The following SMAD6 variants were observed in gnomAD, a reference collection of about 807,000 sequenced individuals.
SMAD6 encodes SMAD family member 6.
Under a neutral mutation model 39.4 loss-of-function variants are expected in SMAD6, and 103 were observed. That is an observed-to-expected ratio of 2.62 (90% CI 2.23 to 3.08). SMAD6 has a LOEUF of 3.08. Among genes scored for constraint, SMAD6 ranks in the 30% most tolerant of loss-of-function variants. The pLI, the probability that SMAD6 is intolerant of heterozygous loss-of-function variation, is 0.00. For missense variants in SMAD6, 1,104 were observed against 742.9 expected (o/e 1.49, Z -5.65); for synonymous variants, 445 against 353.3 (o/e 1.26, Z -2.91).
At chr15:66,756,108 C>A (rs1894094139) in intron 3 of SMAD6, among the ~76,000 whole-genome samples, 1 of 151,974 alleles carries the variant, frequency 6.6e-6, no homozygotes, top group African/African-American at 2.4e-5. Context: ...CTTCCCCACA[C>A]CTCCCCCTTC....
At chr15:66,746,034 G>A (rs1272740223) in intron 3 of SMAD6, among the ~76,000 whole-genome samples, 2 of 152,194 alleles carry the variant, frequency 1.3e-5, no homozygotes, top group Non-Finnish European at 2.9e-5. Flanking sequence ...TGGTGGGCCC[G>A]GATAAGAGGC....
intron 3 of SMAD6, among the ~76,000 whole-genome samples, chr15:66,761,785 C>T (rs1281542198): frequency 6.6e-6 from 1 of 152,202 alleles, no homozygotes; most frequent in Non-Finnish European, 1.5e-5. Flanking sequence ...CCCTGGCTTC[C>T]TCCACGTTTC....
At position 66,738,440 on chromosome 15, in the gene SMAD6, A is replaced by C. The variant is rs563520950; in HGVS notation, c.952+21942A>C. ...GGACATGGCAGGGGGTTGTGAGAGG[A>C]GTGTCAACGATCCTCCAGGAAGTTT... On this transcript the variant is annotated intron_variant, in intron 3 of 3. Transcript: ENST00000288840. 4.5e-4 allele frequency among the ~76,000 whole-genome samples: 68 copies of C among 152,266 alleles called. 1 individual carries two copies. Among genetic ancestry groups the C allele is most frequent in the African/African-American group, 1.6e-3 (68 of 41,532 alleles).
intron 3 of SMAD6, among the ~76,000 whole-genome samples, chr15:66,760,477 G>A (rs1238602806): frequency 6.6e-6 from 1 of 152,210 alleles, no homozygotes. Context: ...GGTGTGCCTG[G>A]CACATGGCGG....
chr15:66,705,214 A>G (rs1357502048), intron 1 of SMAD6: 1 of 152,072 alleles, frequency 6.6e-6, no homozygotes, highest in Non-Finnish European at 1.5e-5. Flanking sequence ...GTGGAAGGGG[A>G]AAGTGGGTCT....
At chr15:66,737,007 A>G (rs533101020) in intron 3 of SMAD6, among the ~76,000 whole-genome samples, 90 of 152,296 alleles carry the variant, frequency 5.9e-4, no homozygotes, top group Non-Finnish European at 1.1e-3. Context: ...TGAATCTAAC[A>G]TGCACCCAGG....
chr15:66,733,576 C>G (rs1414338825), intron 3 of SMAD6, among the ~76,000 whole-genome samples: 1 of 152,146 alleles, frequency 6.6e-6, no homozygotes, highest in African/African-American at 2.4e-5. Flanking sequence ...TTTAAACATT[C>G]TCCAGTTATT....
chr15:66,767,586 G>C (rs530128950), intron 3 of SMAD6, among the ~76,000 whole-genome samples: 113 of 152,360 alleles, frequency 7.4e-4, no homozygotes, highest in African/African-American at 2.7e-3. Context: ...GGCCATGGCA[G>C]AGCCATGTAC....
chr15:66,769,232 G>A (rs1567112597), intron 3 of SMAD6, among the ~76,000 whole-genome samples: 2 of 152,188 alleles, frequency 1.3e-5, no homozygotes, highest in African/African-American at 2.4e-5. Context: ...GGGTAACTGA[G>A]GGCTGCTGCT....
intron 3 of SMAD6, among the ~76,000 whole-genome samples, chr15:66,755,280 G>A (rs1001098953): frequency 1.3e-5 from 2 of 152,174 alleles, no homozygotes; most frequent in Non-Finnish European, 2.9e-5. Flanking sequence ...TCACAGGACG[G>A]TGCCAGGCAG....
chr15:66,765,372 C>T lies in SMAD6; in HGVS notation c.953-15625C>T, dbSNP rs149778501. On this transcript the variant is annotated intron_variant, in intron 3 of 3. Transcript: ENST00000288840. ...CCGAGCAGCTGGGACTACAGGTGCCCGCCACCATGCCCGGCTACTTTTTTG... is the reference window on the plus strand; with the variant it reads ...CCGAGCAGCTGGGACTACAGGTGCCTGCCACCATGCCCGGCTACTTTTTTG... Among the ~76,000 whole-genome samples the T allele has an allele frequency of 9.0e-3, 1,366 of 152,202 alleles. 24 individuals carry two copies. The highest frequency in any genetic ancestry group is 0.03 in the African/African-American group (1,240 of 41,514).
intron 3 of SMAD6, among the ~76,000 whole-genome samples, chr15:66,719,545 G>C (rs548015361): frequency 2.6e-5 from 4 of 152,194 alleles, no homozygotes; most frequent in Non-Finnish European, 5.9e-5. Flanking sequence ...CCCCAAACAG[G>C]GTGTCTGCAG....
At chr15:66,752,422 C>T (rs1215510945) in intron 3 of SMAD6, among the ~76,000 whole-genome samples, 2 of 152,208 alleles carry the variant, frequency 1.3e-5, no homozygotes, top group Non-Finnish European at 2.9e-5. Flanking sequence ...GGTCTTGTGT[C>T]ACTCTACCAG....
intron 1 of SMAD6, among the ~76,000 whole-genome samples, chr15:66,710,481 C>G (rs1312364752): frequency 6.6e-6 from 1 of 152,102 alleles, no homozygotes; most frequent in Non-Finnish European, 1.5e-5. Flanking sequence ...GAGGTGAGGC[C>G]TCATTGGGTG....
chr15:66,734,964 A>G (rs6494597), intron 3 of SMAD6, among the ~76,000 whole-genome samples: 83,561 of 152,188 alleles, frequency 0.55, 23,294 homozygotes, highest in East Asian at 0.84. Flanking sequence ...GTGGACCCTC[A>G]TGGCTGTGTC....
chr15:66,754,439 G>A (rs1894062032), intron 3 of SMAD6, among the ~76,000 whole-genome samples: 1 of 152,184 alleles, frequency 6.6e-6, no homozygotes, highest in African/African-American at 2.4e-5. Flanking sequence ...GTTCACCCAG[G>A]TCCCTTGTGT....
chr15:66,776,019 A>G (rs1031595017), intron 3 of SMAD6, among the ~76,000 whole-genome samples: 6 of 152,238 alleles, frequency 3.9e-5, no homozygotes, highest in African/African-American at 1.4e-4. Context: ...TGTTGGACAC[A>G]CCGCATGAAA....
At chr15:66,758,137 G>T (rs1039740763) in intron 3 of SMAD6, among the ~76,000 whole-genome samples, 3 of 152,210 alleles carry the variant, frequency 2.0e-5, no homozygotes, top group Admixed American at 1.3e-4. Context: ...TAACCACAGA[G>T]ATCCCTGTAT....
intron 3 of SMAD6, among the ~76,000 whole-genome samples, chr15:66,744,513 C>T (rs149718314): frequency 6.6e-6 from 1 of 152,364 alleles, no homozygotes; most frequent in East Asian, 1.9e-4. Flanking sequence ...GTCTCTGGCA[C>T]CTGCTCAGGG....
Sources: allele counts gnomAD v4.1 joint callset (sites outside exome capture counted in the v4.1 genomes callset), GRCh38; gene constraint gnomAD v4.1.1; transcripts MANE v1.5; gene names NCBI Gene and HGNC (gene_info 2026-07-23, HGNC 2026-07-21).